ANKAR: variants seen among roughly 807,000 people sequenced by gnomAD.
ANKAR encodes the protein ankyrin and armadillo repeat-containing protein.
In ANKAR, 136 loss-of-function variants were observed where a neutral mutation model predicts 146.2. The ratio of observed to expected loss-of-function variants is 0.93; its 90% CI spans 0.81 to 1.07. The LOEUF (loss-of-function observed/expected upper bound fraction) is 1.07, where lower values mean the gene tolerates loss of function less well. ANKAR is among the 50% of genes least tolerant of loss of function. ANKAR has a pLI of 0.00. For missense variants in ANKAR, 1,567 were observed against 1,679.9 expected, an observed-to-expected ratio of 0.93 and a Z score of 1.18; for synonymous variants, 500 against 575.8, an observed-to-expected ratio of 0.87 and a Z score of 1.88.
chr2:189,681,485 G>C (rs1415315511), intron 2 of ANKAR, among the ~76,000 whole-genome samples: 1 of 152,218 alleles, frequency 6.6e-6, no homozygotes, highest in Non-Finnish European at 1.5e-5. Context: ...CTGGTAAGGG[G>C]ATCAGAGACA....
chr2:189,742,562 A>T (rs563626234), intron 20 of ANKAR, among the ~76,000 whole-genome samples: 77 of 150,940 alleles, frequency 5.1e-4, no homozygotes, highest in African/African-American at 1.7e-3. Context: ...AAATTTTTTT[A>T]AAGTAATAAA....
intron 18 of ANKAR, among the ~76,000 whole-genome samples, chr2:189,758,414 C>T (rs1213073315): frequency 2.0e-5 from 3 of 151,880 alleles, no homozygotes; most frequent in African/African-American, 7.3e-5. Flanking sequence ...GCACCTCACC[C>T]CCCCTCTCTC....
At chr2:189,687,041 G>A (rs571779011) in intron 2 of ANKAR, among the ~76,000 whole-genome samples, 1 of 151,994 alleles carries the variant, frequency 6.6e-6, no homozygotes, top group South Asian at 2.1e-4. Flanking sequence ...ACCTTGTTGT[G>A]TTGTCAAATA....
intron 18 of ANKAR, chr2:189,755,299 T>C (rs2045929789): frequency 6.2e-7 from 1 of 1,613,530 alleles, no homozygotes; most frequent in Non-Finnish European, 8.5e-7. Flanking sequence ...AAGGAAATTC[T>C]ACTTTATTGG....
downstream of ANKAR, chr2:189,762,718 T>A: frequency 1.0e-6 from 1 of 985,316 alleles, no homozygotes; most frequent in Non-Finnish European, 1.2e-6. Context: ...AGCACTTGTC[T>A]CCTTTCCCTA....
At chr2:189,684,188 A>G (rs2035175740) in intron 2 of ANKAR, among the ~76,000 whole-genome samples, 1 of 152,152 alleles carries the variant, frequency 6.6e-6, no homozygotes, top group Non-Finnish European at 1.5e-5. Context: ...TATTATCACA[A>G]GCGAGTAATG....
chr2:189,693,113 T>C lies in ANKAR; in HGVS notation c.1243T>C (p.Phe415Leu). The change falls in exon 5 of 23, where the codon TTT (phenylalanine) becomes CTT (leucine). Residue 415 changes from phenylalanine to leucine, a missense_variant. Physicochemically the swap from Phe to Leu is conservative, Grantham distance 22 (BLOSUM62 0). Coordinates refer to ENST00000684021, the MANE Select transcript of ANKAR (RefSeq NM_001378068.1). ...EKIRDCAANT[F>L]IEDSGYKEYY... ...AATACGAGATTGTGCTGCTAATACA[T>C]TTATAGAAGATTCAGGATATAAAGA... The C allele has an allele frequency of 6.4e-7, 1 of 1,554,852 alleles. No homozygotes were observed. The highest frequency in any genetic ancestry group is 8.7e-7 in the Non-Finnish European group (1 of 1,147,556).
intron 1 of ANKAR, among the ~76,000 whole-genome samples, 184 bp from the exon 2 acceptor site, chr2:189,676,272 T>A (rs1369541506): frequency 1.3e-5 from 2 of 152,250 alleles, no homozygotes; most frequent in Admixed American, 6.5e-5. Flanking sequence ...TTTATAATTT[T>A]AATTATTTTA....
chr2:189,699,918 G>A (rs995390923), intron 7 of ANKAR, among the ~76,000 whole-genome samples: 4 of 152,088 alleles, frequency 2.6e-5, no homozygotes, highest in Admixed American at 1.3e-4. Context: ...CACCCACCTC[G>A]GCCTCCCAAA....
At position 189,676,879 on chromosome 2, in the gene ANKAR, C is replaced by T. The variant is rs767296865; in HGVS notation, c.389C>T (p.Ser130Phe). 2 of 1,614,144 alleles carry T rather than the reference C, an allele frequency of 1.2e-6. No homozygotes were observed. Among genetic ancestry groups the T allele is most frequent in the Non-Finnish European group, 8.5e-7 (1 of 1,180,026 alleles). Residue 130 changes from serine (S) to phenylalanine (F), a missense_variant, in exon 2 of 23, where the codon TCT becomes TTT. Ser to Phe is a radical substitution (Grantham distance 155). Coordinates refer to ENST00000684021, the MANE Select transcript of ANKAR (RefSeq NM_001378068.1). Reference sequence around the variant, plus strand: ...TTAGAAGCTAATTATGATCAGAGTTCTTCTTGTCAATTACCTCCAGCTTAT... The same window carrying T: ...TTAGAAGCTAATTATGATCAGAGTTTTTCTTGTCAATTACCTCCAGCTTAT... ...ISLEANYDQS[S>F]SCQLPPAYYD...
chr2:189,730,046 T>C (rs1490905303), intron 15 of ANKAR, among the ~76,000 whole-genome samples: 1 of 152,070 alleles, frequency 6.6e-6, no homozygotes, highest in African/African-American at 2.4e-5. Context: ...TAGTATGTTA[T>C]AAAGAGACAT....
intron 5 of ANKAR, among the ~76,000 whole-genome samples, chr2:189,693,831 C>CTACA (rs1327255244): frequency 6.6e-6 from 1 of 152,044 alleles, no homozygotes; most frequent in Non-Finnish European, 1.5e-5. Flanking sequence ...TCACTGCAAC[C>CTACA]TACACCTCCT....
At chr2:189,741,299 T>C (rs759001788) in intron 19 of ANKAR, 43 bp from the exon 20 acceptor site, 3 of 1,447,532 alleles carry the variant, frequency 2.1e-6, no homozygotes, top group East Asian at 4.6e-5. Flanking sequence ...TATAAGTTTA[T>C]ATCAATTAAA....
At position 189,692,108 on chromosome 2, in the gene ANKAR, A is replaced by G; in HGVS notation, c.1040-147A>G. The G allele has an allele frequency of 6.3e-6, 4 of 635,474 alleles. No individual in the cohort carries two copies. In the South Asian group the frequency reaches 9.0e-5, roughly 14 times the overall value. 39.4% of individuals were successfully genotyped at this position (635,474 alleles called of 1,614,324 possible). ...ACTATTTATATACATTAACAGCATA[A>G]ATAATTTTATGCACTATAATTGCCA... is the stretch of plus-strand genomic sequence containing the variant. On this transcript the variant is annotated intron_variant, in intron 3 of 22. Coordinates refer to ENST00000684021, the MANE Select transcript of ANKAR (RefSeq NM_001378068.1).
intron 2 of ANKAR, among the ~76,000 whole-genome samples, chr2:189,685,009 A>G (rs1196749742): frequency 6.6e-6 from 1 of 150,934 alleles, no homozygotes; most frequent in Non-Finnish European, 1.5e-5. Context: ...TTGTTTTCTG[A>G]ATTTTTTTTT....
At chr2:189,679,021 GTC>G (rs2034220498) in intron 2 of ANKAR, among the ~76,000 whole-genome samples, 1 of 152,108 alleles carries the variant, frequency 6.6e-6, no homozygotes, top group Non-Finnish European at 1.5e-5. Context: ...TGGCAGTATG[GTC>G]ATTTTCACAA....
In ANKAR at chr2:189,737,720, T is replaced by C. The variant is rs760317038; in HGVS notation, c.3461T>C (p.Phe1154Ser). ...CLRAGYALTL[F>S]AFNNRFQQYL... ...AGAGCAGGCTATGCATTAACACTTTTTGCCTTCAATAATCGCTTTCAACAA... is the reference window on the plus strand; with the variant it reads ...AGAGCAGGCTATGCATTAACACTTTCTGCCTTCAATAATCGCTTTCAACAA... The change falls in exon 18 of 23, where the codon TTT becomes TCT. Residue 1154 changes from phenylalanine (F) to serine (S), a missense_variant. Transcript: ENST00000684021. 1 of 1,599,618 alleles carries C rather than the reference T, an allele frequency of 6.3e-7. No homozygotes were observed. The highest frequency in any genetic ancestry group is 1.8e-5 in the Admixed American group (1 of 56,714).
At chr2:189,755,558 G>C in intron 18 of ANKAR, 1 of 1,576,662 alleles carries the variant, frequency 6.3e-7, no homozygotes. Context: ...AATCCCACCT[G>C]TTCTGAAAGA....
intron 2 of ANKAR, among the ~76,000 whole-genome samples, chr2:189,688,546 T>C (rs1436289053): frequency 6.6e-6 from 1 of 152,184 alleles, no homozygotes; most frequent in Non-Finnish European, 1.5e-5. Flanking sequence ...ATATTTCTTA[T>C]AAAGGGTTAC....
Sources: gnomAD v4.1 joint callset for allele counts (sites outside exome capture counted in the v4.1 genomes callset) on GRCh38, gnomAD v4.1.1 for gene constraint, MANE v1.5 for transcripts, NCBI Gene and HGNC (gene_info 2026-07-23, HGNC 2026-07-21) for gene names.